The following ATAD2 variants were observed in gnomAD, a reference collection of about 807,000 sequenced individuals.
The protein encoded by ATAD2 is ATPase family AAA domain-containing protein 2.
Under a neutral mutation model 168.9 loss-of-function variants are expected in ATAD2, and 62 were observed. The observed-to-expected ratio is 0.37, with a 90% CI of 0.30 to 0.45. ATAD2 has a LOEUF of 0.45. ATAD2 is among the 20% of genes least tolerant of loss of function. The pLI is 1.00. For synonymous variants in ATAD2, 613 were observed against 571.6 expected, an observed-to-expected ratio of 1.07 and a Z score of -1.03; for missense variants, 1,419 against 1,667.8, an observed-to-expected ratio of 0.85 and a Z score of 2.60.
At chr8:123,345,136 C>T (rs976621025) in intron 18 of ATAD2, 67 bp from the exon 19 acceptor site, 1 of 1,430,176 alleles carries the variant, frequency 7.0e-7, no homozygotes, top group Non-Finnish European at 9.4e-7. Flanking sequence ...TTCTATTAGT[C>T]TGAAACAATG....
chr8:123,379,459 A>T (rs1293743026), intron 2 of ATAD2, among the ~76,000 whole-genome samples: 1 of 152,216 alleles, frequency 6.6e-6, no homozygotes, highest in Admixed American at 6.5e-5. Context: ...TAGATACTCA[A>T]ATACCTGAGA....
In ATAD2 at chr8:123,402,374, G is replaced by A. The variant is rs1813013973; in HGVS notation, c.-2281-1199C>T. On this transcript the variant is annotated intron_variant, in intron 1 of 28. Coordinates refer to the ATAD2 transcript ENST00000521903. The surrounding 1 kb of genome is among the most constrained non-coding windows in gnomAD (Gnocchi z 4.8). ...CTTTCAGGCCCTACGCCTGCTTCAGGTCTTGCTGCAGCCTGCTGCAGCCTG... is the reference window on the plus strand; with the variant it reads ...CTTTCAGGCCCTACGCCTGCTTCAGATCTTGCTGCAGCCTGCTGCAGCCTG... 1.3e-5 allele frequency among the ~76,000 whole-genome samples: 2 copies of A among 152,108 alleles called. No homozygotes were observed. Among genetic ancestry groups the A allele is most frequent in the Non-Finnish European group, 2.9e-5 (2 of 67,970 alleles).
intron 14 of ATAD2, 119 bp downstream of exon 14, chr8:123,349,166 A>G (rs900027007): frequency 3.2e-5 from 32 of 1,015,742 alleles, no homozygotes; most frequent in South Asian, 7.5e-5. Flanking sequence ...GTTGTTTACT[A>G]TCATTTGACA....
chr8:123,343,525 T>C (rs1275998743), intron 19 of ATAD2, among the ~76,000 whole-genome samples: 1 of 152,190 alleles, frequency 6.6e-6, no homozygotes, highest in Non-Finnish European at 1.5e-5. Flanking sequence ...AAGCACTCAA[T>C]AAATATTTCT....
chr8:123,403,889 C>T (rs1813037751), intron 1 of ATAD2, among the ~76,000 whole-genome samples: 1 of 152,038 alleles, frequency 6.6e-6, no homozygotes, highest in Admixed American at 6.5e-5. Context: ...GTGCTGTTGA[C>T]ATAAAGTGAC....
At chr8:123,411,841 G>A (rs1288325128) in intron 1 of ATAD2, among the ~76,000 whole-genome samples, 2 of 151,518 alleles carry the variant, frequency 1.3e-5, no homozygotes, top group African/African-American at 2.4e-5. Context: ...AAAAAAAAAA[G>A]CACAATATGG....
chr8:123,337,908 A>G, intron 20 of ATAD2, 87 bp from the exon 21 acceptor site: 1 of 1,282,320 alleles, frequency 7.8e-7, no homozygotes, highest in Non-Finnish European at 1.1e-6. Flanking sequence ...TCAGGATTTG[A>G]GGGATTATCT....
At chr8:123,360,704 C>A (rs572863137) in intron 9 of ATAD2, among the ~76,000 whole-genome samples, 2 of 151,860 alleles carry the variant, frequency 1.3e-5, no homozygotes, top group South Asian at 4.2e-4. Context: ...ATAGTGAGAA[C>A]CTGTCTCTAT....
chr8:123,362,662 C>T (rs998621071), intron 8 of ATAD2, among the ~76,000 whole-genome samples: 6 of 151,862 alleles, frequency 4.0e-5, no homozygotes, highest in East Asian at 1.9e-4. Flanking sequence ...GTGATCCGCC[C>T]GCCTCAGCCT....
intron 22 of ATAD2, among the ~76,000 whole-genome samples, chr8:123,335,045 A>G (rs1482993145): frequency 6.6e-6 from 1 of 152,158 alleles, no homozygotes; most frequent in African/African-American, 2.4e-5. Context: ...TTAGAAATGC[A>G]AATTCTCAGG....
intron 18 of ATAD2, among the ~76,000 whole-genome samples, chr8:123,345,589 G>A (rs1392258384): frequency 7.0e-6 from 1 of 143,874 alleles, no homozygotes; most frequent in Non-Finnish European, 1.5e-5. Flanking sequence ...GGCTAAGGCA[G>A]GAGAATTGCT....
intron 2 of ATAD2, 146 bp from the exon 3 acceptor site, chr8:123,372,832 A>G (rs571491142): frequency 1.8e-6 from 1 of 552,618 alleles, no homozygotes; most frequent in South Asian, 3.1e-5. Flanking sequence ...GGCTCAAGCA[A>G]TACCTCCCAC....
intron 27 of ATAD2, 137 bp downstream of exon 27, chr8:123,322,801 G>T: frequency 1.2e-6 from 1 of 845,856 alleles, no homozygotes; most frequent in African/African-American, 1.7e-5. Flanking sequence ...CATCAACTTT[G>T]GAAATAGAAA....
At position 123,375,413 on chromosome 8, in the gene ATAD2, A is replaced by G. The variant is rs144685097; in HGVS notation, c.321-2727T>C. On this transcript the variant is annotated intron_variant, in intron 2 of 27. Coordinates refer to ENST00000287394, the MANE Select transcript of ATAD2 (RefSeq NM_014109.4). ...GGTGAGGATGTAGAGACCCTCATACATTGGTGGTAGGAATGTAAAATGCTG... is the reference window on the plus strand; with the variant it reads ...GGTGAGGATGTAGAGACCCTCATACGTTGGTGGTAGGAATGTAAAATGCTG... 6.6e-5 allele frequency among the ~76,000 whole-genome samples: 10 copies of G among 152,354 alleles called. 1 individual carries two copies. The East Asian group carries it at 1.9e-3, about 29-fold the overall frequency.
intron 14 of ATAD2, among the ~76,000 whole-genome samples, chr8:123,348,856 T>C (rs1220795879): frequency 6.6e-6 from 1 of 152,226 alleles, no homozygotes; most frequent in African/African-American, 2.4e-5. Context: ...AAAGTAGCTA[T>C]TCATTCTGGT....
At chr8:123,356,278 G>T in intron 13 of ATAD2, 111 bp downstream of exon 13, 1 of 823,222 alleles carries the variant, frequency 1.2e-6, no homozygotes, top group South Asian at 2.1e-5. Context: ...ACCAAAAAAA[G>T]GAACTACTAG....
intron 1 of ATAD2, among the ~76,000 whole-genome samples, chr8:123,413,393 A>G (rs1313958065): frequency 6.6e-6 from 1 of 152,112 alleles, no homozygotes; most frequent in Non-Finnish European, 1.5e-5. Context: ...TTTATTTTTG[A>G]CAGTACCTAT....
At position 123,402,427 on chromosome 8, in the gene ATAD2, T is replaced by A. The variant is rs370526647; in HGVS notation, c.-2281-1252A>T. 2.4e-3 allele frequency among the ~76,000 whole-genome samples: 366 copies of A among 152,136 alleles called. 2 individuals carry two copies. The highest frequency in any genetic ancestry group is 8.4e-3 in the African/African-American group (349 of 41,526). ...CCCCACCCCAGGGGCAGGCAGCCCC[T>A]CCTGGCTTCTCCTGTAGGGCACTTC... On this transcript the variant is annotated intron_variant, in intron 1 of 28. Transcript: ENST00000521903. The surrounding 1 kb of genome is among the most constrained non-coding windows in gnomAD (Gnocchi z 4.8).
chr8:123,393,895 T>C (rs970946746), intron 1 of ATAD2, among the ~76,000 whole-genome samples: 3 of 152,016 alleles, frequency 2.0e-5, no homozygotes, highest in African/African-American at 7.2e-5. Context: ...CCAGCCTGGG[T>C]GACAGAGCAA....
Sources: gnomAD v4.1 joint callset for allele counts (sites outside exome capture counted in the v4.1 genomes callset) on GRCh38, gnomAD v4.1.1 for gene constraint, Gnocchi (gnomAD v3.1) non-coding constraint, MANE v1.5 for transcripts, NCBI Gene and HGNC (gene_info 2026-07-23, HGNC 2026-07-21) for gene names.